The following PALM2AKAP2 variants were observed in gnomAD, a reference collection of about 807,000 sequenced individuals.
PALM2AKAP2 encodes the protein PALM2-AKAP2 fusion protein.
PALM2AKAP2 carries 37 observed loss-of-function variants against 71.5 expected under a neutral mutation model. The ratio of observed to expected loss-of-function variants is 0.52; its 90% confidence interval spans 0.40 to 0.68. The LOEUF (loss-of-function observed/expected upper bound fraction) is 0.68, where lower values mean the gene tolerates loss of function less well. Ranked by LOEUF, PALM2AKAP2 falls within the 30% of genes least tolerant of loss-of-function variation. The probability of loss-of-function intolerance (pLI) is 0.00; values close to 1 mark genes in which losing one functional copy is unlikely to be tolerated. For missense variants in PALM2AKAP2, 1,224 were observed against 1,191.8 expected (o/e 1.03, Z -0.40); for synonymous variants, 468 against 478.8 (o/e 0.98, Z 0.29).
intron 1 of PALM2AKAP2, among the ~76,000 whole-genome samples, chr9:109,717,913 G>C (rs968612803): frequency 6.6e-6 from 1 of 152,128 alleles, no homozygotes; most frequent in African/African-American, 2.4e-5. Context: ...AAGAGAGAAA[G>C]TAAGAGAGAT....
intron 2 of PALM2AKAP2, among the ~76,000 whole-genome samples, chr9:110,143,386 T>A (rs1444754593): frequency 7.5e-6 from 1 of 133,450 alleles, no homozygotes; most frequent in Non-Finnish European, 1.5e-5. Context: ...CGAACCATTG[T>A]ACTCCAGGCT....
intron 1 of PALM2AKAP2, among the ~76,000 whole-genome samples, chr9:109,703,125 T>G (rs1369395707): frequency 6.6e-6 from 1 of 152,210 alleles, no homozygotes; most frequent in Non-Finnish European, 1.5e-5. Flanking sequence ...GGCCTATTTT[T>G]TACCATTTCT....
chr9:109,785,093 A>G (rs1009596552), intron 1 of PALM2AKAP2, among the ~76,000 whole-genome samples: 2 of 152,220 alleles, frequency 1.3e-5, no homozygotes, highest in African/African-American at 4.8e-5. Flanking sequence ...GAAAATAAGT[A>G]AATGTTATAT....
intron 6 of PALM2AKAP2, among the ~76,000 whole-genome samples, chr9:110,009,197 T>C (rs1832834433): frequency 6.6e-6 from 1 of 152,108 alleles, no homozygotes; most frequent in African/African-American, 2.4e-5. Context: ...ACAGGGAGTG[T>C]GGGTACAGTC....
At chr9:110,171,173 G>GA (rs761544283) in exon 4 of PALM2AKAP2, 1 of 152,248 alleles carries the variant, frequency 6.6e-6, no homozygotes, top group Non-Finnish European at 1.5e-5. Flanking sequence ...ACAGCTAAGA[G>GA]AAAAGCTTAA....
intron 3 of PALM2AKAP2, among the ~76,000 whole-genome samples, chr9:109,887,938 A>G (rs558675936): frequency 2.0e-5 from 3 of 152,314 alleles, no homozygotes; most frequent in East Asian, 1.9e-4. Flanking sequence ...ACCTCCACAC[A>G]TGCTTCTTCA....
chr9:109,659,505 A>G (rs1479678998), intron 1 of PALM2AKAP2, among the ~76,000 whole-genome samples: 1 of 152,096 alleles, frequency 6.6e-6, no homozygotes, highest in Non-Finnish European at 1.5e-5. Flanking sequence ...TATAAATGGA[A>G]TAACACAATA....
At chr9:109,750,943 T>C (rs549575601) in intron 1 of PALM2AKAP2, among the ~76,000 whole-genome samples, 3 of 152,204 alleles carry the variant, frequency 2.0e-5, no homozygotes, top group Middle Eastern at 3.4e-3. Flanking sequence ...TCTTTCCCAA[T>C]GAAGAAATAC....
intron 6 of PALM2AKAP2, among the ~76,000 whole-genome samples, chr9:109,937,642 T>G (rs1173517278): frequency 6.6e-6 from 1 of 152,244 alleles, no homozygotes; most frequent in East Asian, 1.9e-4. Flanking sequence ...ATATAGGGTT[T>G]GGAAATCAAT....
intron 1 of PALM2AKAP2, among the ~76,000 whole-genome samples, chr9:110,085,866 G>A (rs139551172): frequency 2.6e-5 from 4 of 152,220 alleles, no homozygotes; most frequent in African/African-American, 9.6e-5. Flanking sequence ...TAGCACTTTG[G>A]GAGGCCGAGG....
At chr9:109,679,647 G>A (rs1001255191) in intron 1 of PALM2AKAP2, among the ~76,000 whole-genome samples, 11 of 152,232 alleles carry the variant, frequency 7.2e-5, no homozygotes, top group South Asian at 2.1e-4. Flanking sequence ...GAATTCTAAA[G>A]CTCAAAAGTC....
chr9:110,136,968 C>A (rs1193939185), exon 2 of PALM2AKAP2: 1 of 1,614,036 alleles, frequency 6.2e-7, no homozygotes, highest in Admixed American at 1.7e-5. Context: ...TGGTGGAATC[C>A]CCCGCAGGAA....
At chr9:110,131,639 A>G (rs927706610) in intron 1 of PALM2AKAP2, among the ~76,000 whole-genome samples, 1 of 152,162 alleles carries the variant, frequency 6.6e-6, no homozygotes, top group African/African-American at 2.4e-5. Flanking sequence ...CTTTGATTCT[A>G]TCAGGCCATC....
chr9:109,845,968 C>T (rs1383061170), intron 1 of PALM2AKAP2, among the ~76,000 whole-genome samples: 1 of 152,120 alleles, frequency 6.6e-6, no homozygotes, highest in Non-Finnish European at 1.5e-5. Flanking sequence ...GGATAAAAAC[C>T]AGCAAGATCT....
At chr9:109,921,413 AC>A (rs1485463489) in intron 3 of PALM2AKAP2, among the ~76,000 whole-genome samples, 1 of 152,172 alleles carries the variant, frequency 6.6e-6, no homozygotes, top group Non-Finnish European at 1.5e-5. Context: ...TGCCAGTAAC[AC>A]CAGTCCCACC....
intron 1 of PALM2AKAP2, among the ~76,000 whole-genome samples, chr9:109,858,039 C>G (rs1362475865): frequency 6.6e-6 from 1 of 152,248 alleles, no homozygotes; most frequent in African/African-American, 2.4e-5. Flanking sequence ...GAAGCACCTT[C>G]ATTTATTAAG....
chr9:110,044,485 G>A (rs1371832404), upstream of PALM2AKAP2, among the ~76,000 whole-genome samples: 2 of 150,338 alleles, frequency 1.3e-5, no homozygotes, highest in South Asian at 4.2e-4. Flanking sequence ...CCAAGTAGCT[G>A]GGATTACAGG....
At chr9:110,027,293 G>T (rs774118670) in intron 7 of PALM2AKAP2, among the ~76,000 whole-genome samples, 1 of 152,084 alleles carries the variant, frequency 6.6e-6, no homozygotes, top group Non-Finnish European at 1.5e-5. Context: ...CCAACGACTG[G>T]ATAAAATGAC....
upstream of PALM2AKAP2, among the ~76,000 whole-genome samples, chr9:110,044,918 A>G (rs932261120): frequency 6.6e-5 from 10 of 152,214 alleles, no homozygotes; most frequent in African/African-American, 1.7e-4. Context: ...CTGCTAGACC[A>G]TTATTATTTG....
Sources: gnomAD v4.1 joint callset for allele counts (sites outside exome capture counted in the v4.1 genomes callset) on GRCh38, gnomAD v4.1.1 for gene constraint, MANE v1.5 for transcripts, NCBI Gene and HGNC (gene_info 2026-07-23, HGNC 2026-07-21) for gene names.